CLSTN2: variants seen among roughly 807,000 people sequenced by gnomAD.
The protein encoded by CLSTN2 is calsyntenin-2.
A neutral mutation model predicts 101.2 loss-of-function variants in CLSTN2; 48 were observed. That is an observed-to-expected ratio of 0.47 (90% CI 0.38 to 0.60). The LOEUF is 0.60. Ranked by LOEUF, CLSTN2 falls within the 20% of genes least tolerant of loss-of-function variation. The pLI, the probability that CLSTN2 is intolerant of heterozygous loss-of-function variation, is 0.00. For synonymous variants in CLSTN2, 481 were observed against 463.6 expected, an observed-to-expected ratio of 1.04 and a Z score of -0.48; for missense variants, 1,160 against 1,238.2, an observed-to-expected ratio of 0.94 and a Z score of 0.95.
Position 140,562,928 on chromosome 3 carries a change from G to A in CLSTN2, c.2330G>A (p.Arg777His), listed in dbSNP as rs373763672. ...FRIKCSELNG[R>H]YTSNEFNLEV... is the part of the protein sequence containing the mutation. ...ATTAAGTGCTCAGAACTCAATGGGC[G>A]CTACACTAGCAATGAGTTCAACTTG... The change falls in exon 14 of 17, where the codon CGC (arginine) becomes CAC (histidine). Residue 777 changes from arginine (R) to histidine (H), a missense_variant. Arg to His is a conservative substitution (Grantham distance 29, BLOSUM62 0). Coordinates refer to ENST00000458420, the MANE Select transcript of CLSTN2 (RefSeq NM_022131.3). 36 of 1,614,010 alleles carry A rather than the reference G, an allele frequency of 2.2e-5. No individual in the cohort carries two copies. Among genetic ancestry groups the A allele is most frequent in the South Asian group, 4.4e-5 (4 of 91,084 alleles).
At chr3:140,300,630 G>A (rs1174162592) in intron 2 of CLSTN2, among the ~76,000 whole-genome samples, 1 of 152,012 alleles carries the variant, frequency 6.6e-6, no homozygotes, top group Admixed American at 6.6e-5. Context: ...ATAATAAGTA[G>A]GAGCTAGGTG....
chr3:140,272,892 T>G (rs1401274906), intron 2 of CLSTN2, among the ~76,000 whole-genome samples: 1 of 152,216 alleles, frequency 6.6e-6, no homozygotes, highest in Non-Finnish European at 1.5e-5. Flanking sequence ...CTTTCAGTCC[T>G]GGCTTAGTTT....
At chr3:140,545,686 G>GA (rs1289702768) in intron 9 of CLSTN2, among the ~76,000 whole-genome samples, 1 of 152,080 alleles carries the variant, frequency 6.6e-6, no homozygotes, top group Non-Finnish European at 1.5e-5. Flanking sequence ...AAACCAGGGA[G>GA]AAAAAAGGAG....
chr3:140,559,164 A>G (rs906045261), intron 12 of CLSTN2, among the ~76,000 whole-genome samples: 26 of 149,154 alleles, frequency 1.7e-4, no homozygotes, highest in African/African-American at 6.2e-4. Context: ...CAACCATTTA[A>G]GAAAAAAAAA....
chr3:139,955,980 G>T (rs1935387473), intron 1 of CLSTN2, among the ~76,000 whole-genome samples: 1 of 152,146 alleles, frequency 6.6e-6, no homozygotes, highest in Non-Finnish European at 1.5e-5. Context: ...GTTGCATTCA[G>T]CCTGCCCTAC....
At chr3:140,379,602 A>G (rs2087956929) in intron 2 of CLSTN2, among the ~76,000 whole-genome samples, 2 of 152,236 alleles carry the variant, frequency 1.3e-5, no homozygotes, top group Admixed American at 1.3e-4. Context: ...GGGAGGCTTC[A>G]TTCTAAAGTA....
chr3:140,218,498 C>A, intron 2 of CLSTN2, among the ~76,000 whole-genome samples: 1 of 152,032 alleles, frequency 6.6e-6, no homozygotes, highest in East Asian at 1.9e-4. Context: ...GAAGCAGCAC[C>A]CAGTCAATCA....
At chr3:140,465,069 GGCTTTCA>G (rs1933657185) in intron 7 of CLSTN2, among the ~76,000 whole-genome samples, 1 of 152,140 alleles carries the variant, frequency 6.6e-6, no homozygotes, top group Non-Finnish European at 1.5e-5. Flanking sequence ...TCAATTAAGA[GGCTTTCA>G]GCTGCAAGGA....
At chr3:140,501,753 T>TTGAG (rs1015647746) in intron 8 of CLSTN2, among the ~76,000 whole-genome samples, 1 of 152,260 alleles carries the variant, frequency 6.6e-6, no homozygotes, top group African/African-American at 2.4e-5. Flanking sequence ...TTTTTCTTTC[T>TTGAG]TGAGTGATAG....
At chr3:140,021,421 G>C (rs893176126) in intron 1 of CLSTN2, among the ~76,000 whole-genome samples, 1 of 152,174 alleles carries the variant, frequency 6.6e-6, no homozygotes, top group Admixed American at 6.5e-5. Context: ...GTGGCGTACC[G>C]GCAGCATTGC....
chr3:140,224,703 A>G (rs2086303644), intron 2 of CLSTN2, among the ~76,000 whole-genome samples: 1 of 152,194 alleles, frequency 6.6e-6, no homozygotes, highest in Non-Finnish European at 1.5e-5. Context: ...TTCTGTGCCC[A>G]GTCCTGTGTC....
intron 8 of CLSTN2, among the ~76,000 whole-genome samples, chr3:140,499,668 C>T (rs1934532364): frequency 6.6e-6 from 1 of 152,128 alleles, no homozygotes; most frequent in Admixed American, 6.6e-5. Context: ...TCACCCCATC[C>T]TCAAATACTT....
intron 5 of CLSTN2, among the ~76,000 whole-genome samples, chr3:140,423,021 T>C (rs1455988646): frequency 2.6e-5 from 4 of 152,224 alleles, no homozygotes; most frequent in South Asian, 2.1e-4. Context: ...ATAAACTCTG[T>C]ATGCATGAAA....
chr3:140,462,636 C>CA (rs1297711743), intron 7 of CLSTN2: 2 of 151,942 alleles, frequency 1.3e-5, no homozygotes, highest in African/African-American at 4.8e-5. Flanking sequence ...AGGCTAACTG[C>CA]AAAAAAGAGA....
At chr3:140,140,343 C>T (rs9871857) in intron 1 of CLSTN2, among the ~76,000 whole-genome samples, 108,233 of 151,944 alleles carry the variant, frequency 0.71, 41,818 homozygotes, top group East Asian at 0.9. Context: ...TCTGACGAGG[C>T]CTCAGGAAGC....
At chr3:140,428,743 G>A (rs932495009) in intron 5 of CLSTN2, among the ~76,000 whole-genome samples, 1 of 152,216 alleles carries the variant, frequency 6.6e-6, no homozygotes, top group African/African-American at 2.4e-5. Context: ...AAAGAGAGAT[G>A]CAGCCACATA....
chr3:140,478,894 G>GGAAA (rs1370633915), intron 8 of CLSTN2, among the ~76,000 whole-genome samples: 1 of 150,602 alleles, frequency 6.6e-6, no homozygotes, highest in African/African-American at 2.4e-5. Flanking sequence ...AAGGAAGGAA[G>GGAAA]GAAGGAAGGA....
chr3:140,560,356 C>T (rs4683508), intron 12 of CLSTN2, among the ~76,000 whole-genome samples: 82,529 of 151,994 alleles, frequency 0.54, 25,220 homozygotes, highest in Middle Eastern at 0.71. Context: ...CATGCACACA[C>T]ACACGCCTCC....
intron 1 of CLSTN2, among the ~76,000 whole-genome samples, chr3:139,946,200 T>C (rs2107808439): frequency 6.6e-6 from 1 of 152,352 alleles, no homozygotes; most frequent in East Asian, 1.9e-4. Flanking sequence ...TCCAGATTTA[T>C]ATGGCTTGAG....
Sources: gnomAD v4.1 joint callset for allele counts (sites outside exome capture counted in the v4.1 genomes callset) on GRCh38, gnomAD v4.1.1 for gene constraint, MANE v1.5 for transcripts, NCBI Gene and HGNC (gene_info 2026-07-23, HGNC 2026-07-21) for gene names.